The following GPC6 variants were observed in gnomAD, a reference collection of about 807,000 sequenced individuals.
The protein encoded by GPC6 is glypican 6.
In GPC6, 14 loss-of-function variants were observed where a neutral mutation model predicts 55.2. That is an observed-to-expected ratio of 0.25 (90% CI 0.17 to 0.40). The LOEUF (loss-of-function observed/expected upper bound fraction) is 0.40, where lower values mean the gene tolerates loss of function less well. Among genes scored for constraint, GPC6 ranks in the 10% least tolerant of loss-of-function variants. The probability of loss-of-function intolerance (pLI) is 1.00; values close to 1 mark genes in which losing one functional copy is unlikely to be tolerated. For missense variants in GPC6, 641 were observed against 708.5 expected (o/e 0.90, Z 1.08); for synonymous variants, 278 against 259.6 (o/e 1.07, Z -0.68).
chr13:94,052,081 G>A (rs1256932823), intron 4 of GPC6, among the ~76,000 whole-genome samples: 4 of 152,106 alleles, frequency 2.6e-5, no homozygotes, highest in Admixed American at 6.6e-5. Flanking sequence ...GGAGAAAGAC[G>A]CATAAACAGT....
chr13:93,891,772 A>G (rs1201045453), intron 3 of GPC6, among the ~76,000 whole-genome samples: 2 of 151,998 alleles, frequency 1.3e-5, no homozygotes, highest in African/African-American at 4.8e-5. Context: ...TGGTCAATGA[A>G]CAAAGTGTGT....
intron 1 of GPC6, among the ~76,000 whole-genome samples, chr13:93,261,558 A>T (rs1174926649): frequency 3.9e-5 from 6 of 152,176 alleles, no homozygotes; most frequent in Non-Finnish European, 7.4e-5. Flanking sequence ...TTTTAGATAA[A>T]TATATTTTGT....
At chr13:94,372,271 C>T (rs932014047) in intron 6 of GPC6, among the ~76,000 whole-genome samples, 3 of 152,094 alleles carry the variant, frequency 2.0e-5, no homozygotes, top group African/African-American at 4.8e-5. Flanking sequence ...ACGCAGAAGA[C>T]GGGTGATTTC....
At chr13:93,351,464 T>C (rs571263307) in intron 1 of GPC6, among the ~76,000 whole-genome samples, 1 of 151,506 alleles carries the variant, frequency 6.6e-6, no homozygotes, top group African/African-American at 2.4e-5. Flanking sequence ...AGGGAGAGAG[T>C]TGTTAAAGGA....
intron 2 of GPC6, among the ~76,000 whole-genome samples, chr13:93,735,223 C>T (rs192374289): frequency 1.4e-4 from 21 of 152,230 alleles, no homozygotes; most frequent in Admixed American, 1.3e-3. Flanking sequence ...GTACCCAGGA[C>T]TCCAAAGTCT....
At chr13:93,602,049 A>G (rs1878038479) in intron 2 of GPC6, among the ~76,000 whole-genome samples, 1 of 152,220 alleles carries the variant, frequency 6.6e-6, no homozygotes, top group Non-Finnish European at 1.5e-5. Context: ...CCTATAATGG[A>G]CATTCTGTAG....
chr13:93,665,100 A>G (rs1308792592), intron 2 of GPC6, among the ~76,000 whole-genome samples: 4 of 152,192 alleles, frequency 2.6e-5, no homozygotes, highest in Non-Finnish European at 5.9e-5. Context: ...CAGAAATTCT[A>G]CTTTAGGAAT....
intron 6 of GPC6, among the ~76,000 whole-genome samples, chr13:94,324,919 C>T (rs977201505): frequency 3.9e-5 from 6 of 152,088 alleles, no homozygotes; most frequent in African/African-American, 1.4e-4. Flanking sequence ...ACAACTGGAA[C>T]CAGCAATTTG....
intron 2 of GPC6, among the ~76,000 whole-genome samples, chr13:93,757,382 G>A (rs147084850): frequency 1.4e-4 from 21 of 152,288 alleles, no homozygotes; most frequent in African/African-American, 4.1e-4. Flanking sequence ...GACACCCACA[G>A]AAGGTTGTAG....
At chr13:93,554,979 TC>T (rs2139448852) in intron 2 of GPC6, among the ~76,000 whole-genome samples, 1 of 152,342 alleles carries the variant, frequency 6.6e-6, no homozygotes, top group South Asian at 2.1e-4. Context: ...TTTCCTCCCT[TC>T]CTAGCAGTCC....
At chr13:93,363,269 T>C (rs1168857861) in intron 1 of GPC6, among the ~76,000 whole-genome samples, 5 of 151,790 alleles carry the variant, frequency 3.3e-5, no homozygotes, top group Non-Finnish European at 7.4e-5. Flanking sequence ...TATCTCCCAA[T>C]GCTATCCCTC....
At chr13:93,712,529 A>G (rs1465250783) in intron 2 of GPC6, among the ~76,000 whole-genome samples, 3 of 151,732 alleles carry the variant, frequency 2.0e-5, no homozygotes, top group African/African-American at 4.8e-5. Context: ...TTGCCTATCA[A>G]GTCTGCCTGT....
chr13:93,952,733 ATGTG>A (rs1211554478), intron 3 of GPC6, among the ~76,000 whole-genome samples: 26 of 150,362 alleles, frequency 1.7e-4, no homozygotes, highest in Admixed American at 1.1e-3. Flanking sequence ...ATGTGTGTAT[ATGTG>A]TGTGTGTATG....
At chr13:93,761,592 C>G (rs149766445) in intron 2 of GPC6, among the ~76,000 whole-genome samples, 1,623 of 152,170 alleles carry the variant, frequency 0.011, 17 homozygotes, top group Non-Finnish European at 0.017. Context: ...TCATAGCTCC[C>G]TGCAACCTAG....
chr13:94,158,515 A>C (rs918453407), intron 4 of GPC6, among the ~76,000 whole-genome samples: 1 of 152,200 alleles, frequency 6.6e-6, no homozygotes, highest in Non-Finnish European at 1.5e-5. Context: ...AAGGATAAGC[A>C]TTCAAAATCC....
chr13:94,395,095 A>C (rs1207900083), intron 7 of GPC6, among the ~76,000 whole-genome samples: 2 of 152,248 alleles, frequency 1.3e-5, no homozygotes, highest in Non-Finnish European at 2.9e-5. Context: ...GGTGTCAGCA[A>C]AAGATGGGCT....
At chr13:94,016,055 A>G (rs957677515) in intron 3 of GPC6, among the ~76,000 whole-genome samples, 1 of 152,098 alleles carries the variant, frequency 6.6e-6, no homozygotes, top group Admixed American at 6.6e-5. Flanking sequence ...TTCATCCCCT[A>G]TCCCCAGGTA....
intron 2 of GPC6, among the ~76,000 whole-genome samples, chr13:93,662,554 C>T (rs954077845): frequency 1.3e-5 from 2 of 151,624 alleles, no homozygotes; most frequent in East Asian, 2.0e-4. Flanking sequence ...CGTTTGAACC[C>T]GGGAGGCGGA....
chr13:94,237,188 G>T (rs1048340527), intron 4 of GPC6, among the ~76,000 whole-genome samples: 1 of 152,060 alleles, frequency 6.6e-6, no homozygotes, highest in Non-Finnish European at 1.5e-5. Flanking sequence ...CTACAGAAAT[G>T]GATTAAAATG....
Sources: gnomAD v4.1 joint callset for allele counts (sites outside exome capture counted in the v4.1 genomes callset) on GRCh38, gnomAD v4.1.1 for gene constraint, MANE v1.5 for transcripts, NCBI Gene and HGNC (gene_info 2026-07-23, HGNC 2026-07-21) for gene names.